SGCZ: variants seen among roughly 807,000 people sequenced by gnomAD.
SGCZ encodes zeta-sarcoglycan.
In SGCZ, 40 loss-of-function variants were observed where a neutral mutation model predicts 41.3. The observed-to-expected ratio is 0.97, with a 90% CI of 0.75 to 1.26. The LOEUF (loss-of-function observed/expected upper bound fraction) is 1.26, where lower values mean the gene tolerates loss of function less well. Ranked by LOEUF, SGCZ falls within the 50% of genes most tolerant of loss-of-function variation. The pLI is 0.00. For synonymous variants in SGCZ, 206 were observed against 137.5 expected, an observed-to-expected ratio of 1.50 and a Z score of -3.49; for missense variants, 552 against 369.8, an observed-to-expected ratio of 1.49 and a Z score of -4.04.
chr8:14,646,111 G>A (rs1807206036), intron 1 of SGCZ, among the ~76,000 whole-genome samples: 1 of 151,774 alleles, frequency 6.6e-6, no homozygotes, highest in South Asian at 2.1e-4. Context: ...TCAGTCACAT[G>A]GTTATACCGC....
intron 1 of SGCZ, among the ~76,000 whole-genome samples, chr8:14,846,199 T>C (rs1803094958): frequency 6.6e-6 from 1 of 152,126 alleles, no homozygotes; most frequent in Non-Finnish European, 1.5e-5. Flanking sequence ...TTTATGTTTA[T>C]GGAATGCTGT....
intron 2 of SGCZ, among the ~76,000 whole-genome samples, chr8:14,364,550 A>G (rs1803632431): frequency 6.6e-6 from 1 of 152,116 alleles, no homozygotes. Flanking sequence ...AATCCATGCC[A>G]AACCTCTCTA....
intron 1 of SGCZ, among the ~76,000 whole-genome samples, chr8:14,832,481 C>A (rs574949081): frequency 6.6e-6 from 1 of 151,354 alleles, no homozygotes; most frequent in African/African-American, 2.4e-5. Flanking sequence ...ACCACCGTAT[C>A]TAAGAGATGG....
At chr8:15,070,100 A>G (rs1371782096) in intron 1 of SGCZ, among the ~76,000 whole-genome samples, 2 of 152,192 alleles carry the variant, frequency 1.3e-5, no homozygotes, top group African/African-American at 4.8e-5. Flanking sequence ...TTCTTGTGCT[A>G]CATGTCATTC....
chr8:15,023,554 G>A (rs1311005261), intron 1 of SGCZ, among the ~76,000 whole-genome samples: 1 of 152,134 alleles, frequency 6.6e-6, no homozygotes, highest in East Asian at 1.9e-4. Flanking sequence ...TGTCTGAAAT[G>A]TTTGCCACCA....
At chr8:14,996,842 G>C (rs942164997) in intron 1 of SGCZ, among the ~76,000 whole-genome samples, 3 of 152,130 alleles carry the variant, frequency 2.0e-5, no homozygotes, top group Non-Finnish European at 2.9e-5. Context: ...TCACCACTTG[G>C]ATCCTTGGCC....
chr8:15,111,917 C>A (rs2116930597), intron 1 of SGCZ, among the ~76,000 whole-genome samples: 1 of 142,806 alleles, frequency 7.0e-6, no homozygotes, highest in East Asian at 2.1e-4. Flanking sequence ...AAAAAAAAAT[C>A]CCTCCTTTCA....
intron 7 of SGCZ, among the ~76,000 whole-genome samples, chr8:14,100,002 G>T (rs1349435942): frequency 6.6e-6 from 1 of 152,026 alleles, no homozygotes; most frequent in Non-Finnish European, 1.5e-5. Flanking sequence ...ATACTAAGTA[G>T]TTTAAAAACT....
At chr8:14,814,319 T>C (rs1801830536) in intron 1 of SGCZ, among the ~76,000 whole-genome samples, 1 of 152,114 alleles carries the variant, frequency 6.6e-6, no homozygotes, top group Non-Finnish European at 1.5e-5. Flanking sequence ...ACTGAAGCTC[T>C]AAAACTAGGG....
chr8:15,063,969 T>C (rs1805032715), intron 1 of SGCZ, among the ~76,000 whole-genome samples: 1 of 152,198 alleles, frequency 6.6e-6, no homozygotes, highest in Admixed American at 6.5e-5. Flanking sequence ...TCTTATTTTC[T>C]GTTATTCCGA....
At chr8:14,828,323 T>C (rs1802410352) in intron 1 of SGCZ, among the ~76,000 whole-genome samples, 1 of 152,206 alleles carries the variant, frequency 6.6e-6, no homozygotes. Flanking sequence ...ATCTTATTTG[T>C]ATCCTAATTG....
intron 2 of SGCZ, among the ~76,000 whole-genome samples, chr8:14,425,300 T>A (rs117394670): frequency 1.3e-5 from 2 of 152,272 alleles, no homozygotes; most frequent in East Asian, 3.9e-4. Context: ...ACCACTTTTA[T>A]CTGTGCTGTG....
At chr8:14,445,256 T>C (rs1800398192) in intron 2 of SGCZ, among the ~76,000 whole-genome samples, 1 of 152,206 alleles carries the variant, frequency 6.6e-6, no homozygotes, top group South Asian at 2.1e-4. Context: ...CCCAAAGTGG[T>C]AACTTCTATT....
intron 1 of SGCZ, among the ~76,000 whole-genome samples, chr8:15,035,369 G>C (rs537851097): frequency 3.3e-5 from 5 of 152,024 alleles, no homozygotes; most frequent in Non-Finnish European, 7.4e-5. Context: ...AAAAAGTAAA[G>C]TATCGAACCA....
intron 1 of SGCZ, among the ~76,000 whole-genome samples, chr8:15,070,845 T>C (rs1805325609): frequency 6.6e-6 from 1 of 152,234 alleles, no homozygotes; most frequent in South Asian, 2.1e-4. Flanking sequence ...AGAAAAAGCA[T>C]AGGATTTGCT....
At chr8:14,961,288 A>G (rs1353787110) in intron 1 of SGCZ, among the ~76,000 whole-genome samples, 1 of 152,094 alleles carries the variant, frequency 6.6e-6, no homozygotes, top group African/African-American at 2.4e-5. Context: ...CTGCCTACTG[A>G]CCTGTTGTTT....
At chr8:14,105,523 G>A (rs569759201) in intron 6 of SGCZ, among the ~76,000 whole-genome samples, 1 of 152,070 alleles carries the variant, frequency 6.6e-6, no homozygotes, top group South Asian at 2.1e-4. Flanking sequence ...TGTCAGCAAG[G>A]CTTGTAAAGT....
chr8:15,060,091 C>A (rs374797179), intron 1 of SGCZ, among the ~76,000 whole-genome samples: 7 of 152,264 alleles, frequency 4.6e-5, no homozygotes, highest in African/African-American at 9.6e-5. Flanking sequence ...CTAGTTCAAC[C>A]ATTGTGGAAG....
rs192670218 is a variant in SGCZ, at chr8:15,141,537, T to C, written c.39+96048A>G. 4.3e-4 allele frequency among the ~76,000 whole-genome samples: 65 copies of C among 152,334 alleles called. 1 individual carries two copies. Among genetic ancestry groups the C allele is most frequent in the African/African-American group, 1.5e-3 (64 of 41,576 alleles). ...TACTCTCAATGATGATAAATGAAAG[T>C]GTATGACTTGGGTCCCTAGATTCTG... On this transcript the variant is annotated intron_variant, in intron 1 of 7. Transcript: ENST00000382080.
Sources: gnomAD v4.1 joint callset for allele counts (sites outside exome capture counted in the v4.1 genomes callset) on GRCh38, gnomAD v4.1.1 for gene constraint, MANE v1.5 for transcripts, NCBI Gene and HGNC (gene_info 2026-07-23, HGNC 2026-07-21) for gene names.